PLSCR1: variants seen among roughly 807,000 people sequenced by gnomAD.
PLSCR1 encodes the protein PL scramblase 1.
Under a neutral mutation model 37.8 loss-of-function variants are expected in PLSCR1, and 17 were observed. The observed-to-expected ratio is 0.45, with a 90% CI of 0.31 to 0.68. The LOEUF (loss-of-function observed/expected upper bound fraction) is 0.68. Among genes scored for constraint, PLSCR1 ranks in the 30% least tolerant of loss-of-function variants. The pLI is 0.06. For synonymous variants in PLSCR1, 116 were observed against 125.9 expected, an observed-to-expected ratio of 0.92 and a Z score of 0.53; for missense variants, 347 against 380.9, an observed-to-expected ratio of 0.91 and a Z score of 0.74.
In PLSCR1 at chr3:146,531,089, T is replaced by C. The variant is rs191128535; in HGVS notation, c.95-2258A>G. Among the ~76,000 whole-genome samples, 32 of 152,252 alleles carry C rather than the reference T, an allele frequency of 2.1e-4. No individual in the cohort carries two copies. In the East Asian group the frequency reaches 2.9e-3, roughly 14 times the overall value. On this transcript the variant is annotated intron_variant, in intron 3 of 8. Transcript: ENST00000342435. ...TGACTAGAGATGCCAAAGGTCGCTATTGAGATGGGAAGAGAAAAAGGGAAG... is the reference window on the plus strand; with the variant it reads ...TGACTAGAGATGCCAAAGGTCGCTACTGAGATGGGAAGAGAAAAAGGGAAG...
chr3:146,544,003 G>A (rs1199880911), intron 1 of PLSCR1, among the ~76,000 whole-genome samples: 1 of 152,130 alleles, frequency 6.6e-6, no homozygotes. Context: ...AATACTTACT[G>A]ATAAATGACA....
intron 3 of PLSCR1, among the ~76,000 whole-genome samples, chr3:146,530,136 C>T (rs2044176410): frequency 6.6e-6 from 1 of 152,060 alleles, no homozygotes; most frequent in South Asian, 2.1e-4. Flanking sequence ...TGTAGCAATT[C>T]CATAGCAGTG....
Position 146,517,050 on chromosome 3 carries a change from C to G in PLSCR1, c.856G>C (p.Asp286His). The G allele has an allele frequency of 1.2e-6, 2 of 1,602,362 alleles. No individual in the cohort carries two copies. Among genetic ancestry groups the G allele is most frequent in the African/African-American group, 1.3e-5 (1 of 74,252 alleles). Residue 286 changes from aspartate to histidine, a missense_variant, in exon 8 of 9, where the codon GAT (aspartate) becomes CAT (histidine). Physicochemically the swap from Asp to His is moderately conservative, Grantham distance 81. Transcript: ENST00000342435. ...ATCATTACAGCTTTCATTTTAACATCAAGGTCTAAAGGGAACTGGATTCCA... is the reference window on the plus strand; with the variant it reads ...ATCATTACAGCTTTCATTTTAACATGAAGGTCTAAAGGGAACTGGATTCCA... ...NFGIQFPLDL[D>H]VKMKAVMIGA...
chr3:146,520,597 A>G (rs565092169), intron 7 of PLSCR1, among the ~76,000 whole-genome samples: 2 of 152,290 alleles, frequency 1.3e-5, no homozygotes, highest in African/African-American at 2.4e-5. Flanking sequence ...TATGAAGTCA[A>G]TGGGGGAAAG....
chr3:146,544,488 C>T lies in PLSCR1; in HGVS notation c.-35G>A, dbSNP rs1560094417. 1 of 152,328 alleles carries T rather than the reference C, an allele frequency of 6.6e-6. No homozygotes were observed. The highest frequency in any genetic ancestry group is 1.5e-5 in the Non-Finnish European group (1 of 68,122). The allele number at this position is 152,328 out of a possible 1,614,324, so 9.4% of individuals were successfully genotyped here. A position where few individuals can be genotyped will look rare whatever the true frequency, so the allele number is the denominator to read the frequency against. On this transcript the variant is annotated 5_prime_UTR_variant, in exon 1 of 9. Transcript: ENST00000342435. ...GCACCTCTGGCTGCCGCTGTTTCCG[C>T]TCCCGAGCGAGACAAGGTCCAGAGA...
Position 146,517,083 on chromosome 3 carries a change from C to G in PLSCR1, c.823G>C (p.Asp275His). ...GILREAFTDA[D>H]NFGIQFPLDL... ...AAAGGGAACTGGATTCCAAAGTTAT[C>G]AGCGTCTGTAAATGCCTCTCTCAAA... The change falls in exon 8 of 9, where the codon GAT becomes CAT. Residue 275 changes from aspartate (D) to histidine (H), a missense_variant. By Grantham distance (81) the Asp-to-His change is moderately conservative (BLOSUM62 -1). Transcript: ENST00000342435. 1 of 1,603,470 alleles carries G rather than the reference C, an allele frequency of 6.2e-7. No homozygotes were observed. Among genetic ancestry groups the G allele is most frequent in the Non-Finnish European group, 8.5e-7 (1 of 1,173,634 alleles).
intron 2 of PLSCR1, among the ~76,000 whole-genome samples, chr3:146,534,576 C>T (rs1020396598): frequency 2.6e-5 from 4 of 152,032 alleles, no homozygotes; most frequent in African/African-American, 7.3e-5. Flanking sequence ...CCTGCCCCGG[C>T]CTTTCTCCTT....
intron 2 of PLSCR1, among the ~76,000 whole-genome samples, chr3:146,534,824 C>T (rs918872131): frequency 9.2e-5 from 14 of 152,038 alleles, no homozygotes; most frequent in African/African-American, 2.9e-4. Context: ...TGCAGTGAGC[C>T]GAGATCGTGC....
intron 8 of PLSCR1, chr3:146,516,648 G>A (rs2043950744): frequency 5.5e-6 from 1 of 182,168 alleles, no homozygotes; most frequent in African/African-American, 2.4e-5. Flanking sequence ...ATTACTATGA[G>A]TCATGGTAAA....
chr3:146,517,240 G>A (rs2043959563), intron 7 of PLSCR1, 73 bp from the exon 8 acceptor site: 2 of 825,162 alleles, frequency 2.4e-6, no homozygotes, highest in Admixed American at 3.3e-5. Flanking sequence ...TTTGAAGTAA[G>A]ATGAAACAAA....
At position 146,533,500 on chromosome 3, in the gene PLSCR1, G is replaced by T; in HGVS notation, c.64C>A (p.Pro22Thr). The T allele has an allele frequency of 2.5e-6, 4 of 1,605,970 alleles. No individual in the cohort carries two copies. The highest frequency in any genetic ancestry group is 3.4e-6 in the Non-Finnish European group (4 of 1,174,240). Residue 22 changes from proline (P) to threonine (T), a missense_variant, in exon 3 of 9, where the codon CCT (proline) becomes ACT (threonine). Coordinates refer to ENST00000342435, the MANE Select transcript of PLSCR1 (RefSeq NM_021105.3). ...HPETNLPVGY[P>T]PQYPPTAFQG... Reference sequence around the variant, plus strand: ...AATGCTGTCGGTGGATACTGAGGAGGATACCCAACTGGCAAGTTTGTTTCC... The same window carrying T: ...AATGCTGTCGGTGGATACTGAGGAGTATACCCAACTGGCAAGTTTGTTTCC...
At position 146,525,206 on chromosome 3, in the gene PLSCR1, G is replaced by C. The variant is rs147071715; in HGVS notation, c.355+399C>G. ...CCCAAGAGAAACTGTGGGCACAAAT[G>C]ATAATTTTCCCAAACTTCCTCATCC... On this transcript the variant is annotated intron_variant, in intron 5 of 8. Coordinates refer to ENST00000342435, the MANE Select transcript of PLSCR1 (RefSeq NM_021105.3). 4.3e-4 allele frequency among the ~76,000 whole-genome samples: 65 copies of C among 152,308 alleles called. No individual in the cohort carries two copies. In the East Asian group the frequency reaches 0.013, roughly 29 times the overall value.
rs2043934383 is a variant in PLSCR1, at chr3:146,515,497, G to A, written c.*548C>T. 1 of 151,688 alleles carries A rather than the reference G, an allele frequency of 6.6e-6. No individual in the cohort carries two copies. Among genetic ancestry groups the A allele is most frequent in the African/African-American group, 2.4e-5 (1 of 41,332 alleles). The allele number at this position is 151,688 out of a possible 1,614,324, so 9.4% of individuals were successfully genotyped here. A position where few individuals can be genotyped will look rare whatever the true frequency, so the allele number is the denominator to read the frequency against. On this transcript the variant is annotated 3_prime_UTR_variant, in exon 9 of 9. Coordinates refer to ENST00000342435, the MANE Select transcript of PLSCR1 (RefSeq NM_021105.3). ...ATCTTGTGAATATGAAAATATTATG[G>A]TATAGATTAGCTTCTAGGAGAAGTT...
chr3:146,532,121 A>G (rs1181930353), intron 3 of PLSCR1, among the ~76,000 whole-genome samples: 2 of 152,200 alleles, frequency 1.3e-5, no homozygotes, highest in African/African-American at 4.8e-5. Flanking sequence ...GACTTGAGAA[A>G]CAAAATCAAG....
In PLSCR1 at chr3:146,528,528, T is replaced by C. The variant is rs192268259; in HGVS notation, c.312+86A>G. On this transcript the variant is annotated intron_variant, in intron 4 of 8. Coordinates refer to ENST00000342435, the MANE Select transcript of PLSCR1 (RefSeq NM_021105.3). Reference sequence around the variant, plus strand: ...AATACAGTTTTGCTATTTCAGACTTTGGTGAATTATTCATTTGCTAATCTG... The same window carrying C: ...AATACAGTTTTGCTATTTCAGACTTCGGTGAATTATTCATTTGCTAATCTG... 5.9e-5 allele frequency: 62 copies of C among 1,051,488 alleles called. No homozygotes were observed. In the African/African-American group the frequency reaches 7.8e-4, roughly 13 times the overall value. The allele number at this position is 1,051,488 out of a possible 1,614,324, so 65.1% of individuals were successfully genotyped here.
chr3:146,522,243 A>G (rs2044033628), intron 5 of PLSCR1, among the ~76,000 whole-genome samples, 190 bp from the exon 6 acceptor site: 1 of 152,164 alleles, frequency 6.6e-6, no homozygotes, highest in African/African-American at 2.4e-5. Context: ...ACCAATGTAT[A>G]GAGAAATTAA....
chr3:146,516,072 G>C lies in PLSCR1; in HGVS notation c.930C>G (p.Ser310Arg). ...ACCACACTCCTGATTTTTGTTCCTG[G>C]CTGCCAGTGCTTTCAAAAAACATGA... The part of the protein sequence containing the change: ...IDFMFFESTG[S>R]QEQKSGVW The change falls in exon 9 of 9, where the codon AGC (serine) becomes AGG (arginine). Residue 310 changes from serine (S) to arginine (R), a missense_variant. By Grantham distance (110) the Ser-to-Arg change is moderately radical. Transcript: ENST00000342435. The C allele has an allele frequency of 6.2e-7, 1 of 1,607,608 alleles. No homozygotes were observed. Among genetic ancestry groups the C allele is most frequent in the Non-Finnish European group, 8.5e-7 (1 of 1,175,958 alleles).
chr3:146,538,680 T>A (rs1233929073), intron 1 of PLSCR1, among the ~76,000 whole-genome samples: 3 of 152,094 alleles, frequency 2.0e-5, no homozygotes, highest in Non-Finnish European at 2.9e-5. Flanking sequence ...CTAAATAAAA[T>A]GTAAGAGAAG....
intron 1 of PLSCR1, among the ~76,000 whole-genome samples, chr3:146,543,102 T>C (rs540841569): frequency 6.6e-6 from 1 of 152,140 alleles, no homozygotes; most frequent in Non-Finnish European, 1.5e-5. Context: ...GCATCATAGA[T>C]AGAGGGAACT....
Sources: gnomAD v4.1 joint callset for allele counts (sites outside exome capture counted in the v4.1 genomes callset) on GRCh38, gnomAD v4.1.1 for gene constraint, MANE v1.5 for transcripts, NCBI Gene and HGNC (gene_info 2026-07-23, HGNC 2026-07-21) for gene names.